MZF1: variants seen among roughly 807,000 people sequenced by gnomAD.
MZF1 encodes myeloid zinc finger 1, also known as zinc finger and SCAN domain-containing protein 6.
A neutral mutation model predicts 28.6 loss-of-function variants in MZF1; 24 were observed. The ratio of observed to expected loss-of-function variants is 0.84; its 90% CI spans 0.61 to 1.18. The LOEUF (loss-of-function observed/expected upper bound fraction) is 1.18, where lower values mean the gene tolerates loss of function less well. Among genes scored for constraint, MZF1 ranks in the 50% most tolerant of loss-of-function variants. The probability of loss-of-function intolerance (pLI) is 0.00; values close to 1 mark genes in which losing one functional copy is unlikely to be tolerated. For synonymous variants in MZF1, 516 were observed against 432.5 expected, an observed-to-expected ratio of 1.19 and a Z score of -2.40; for missense variants, 1,166 against 1,026.4, an observed-to-expected ratio of 1.14 and a Z score of -1.86.
Position 58,562,078 on chromosome 19 carries a change from G to C in MZF1, c.2199C>G (p.Ala733=). The C allele has an allele frequency of 1.3e-6, 2 of 1,558,782 alleles. No individual in the cohort carries two copies. The highest frequency in any genetic ancestry group is 1.7e-6 in the Non-Finnish European group (2 of 1,153,332). ...CAGTGCGTCCCGGCTGGAGCTACTC[G>C]GCGCTGTGGACGCGCTGGTGCTGAA... ...KLIQHQRVHS[A]E Residue 733 remains alanine, a synonymous_variant, in exon 6 of 6, where the codon GCC becomes GCG. Coordinates refer to ENST00000215057, the MANE Select transcript of MZF1 (RefSeq NM_198055.2).
At chr19:58,566,884 C>T (rs1427469141) in intron 5 of MZF1, among the ~76,000 whole-genome samples, 2 of 150,064 alleles carry the variant, frequency 1.3e-5, no homozygotes, top group Non-Finnish European at 2.9e-5. Flanking sequence ...AAAGAAAAGG[C>T]ACAGTTTTAT....
intron 5 of MZF1, among the ~76,000 whole-genome samples, chr19:58,564,902 G>GGTTTT (rs1872485914): frequency 1.7e-3 from 70 of 41,992 alleles, no homozygotes; most frequent in South Asian, 2.5e-3. Context: ...CCATGTGTGT[G>GGTTTT]TTTTTTTTTT....
chr19:58,569,154 G>T (rs1407862752), intron 5 of MZF1, 123 bp downstream of exon 5: 1 of 1,320,314 alleles, frequency 7.6e-7, no homozygotes, highest in Non-Finnish European at 1.0e-6. Flanking sequence ...GATGATCTAG[G>T]GAATGGGGGA....
Position 58,571,108 on chromosome 19 carries a change from G to T in MZF1, c.282C>A (p.Gly94=). Residue 94 remains glycine, a synonymous_variant, in exon 2 of 6, where the codon GGC becomes GGA. Transcript: ENST00000215057. ...LELLVLEQFL[G]ALPPEIQARV... Reference sequence around the variant, plus strand: ...GGGCCTGGATCTCAGGGGGCAGTGCGCCCAGGAACTGCTCCAGCACCAACA... The same window carrying T: ...GGGCCTGGATCTCAGGGGGCAGTGCTCCCAGGAACTGCTCCAGCACCAACA... The T allele has an allele frequency of 1.9e-6, 3 of 1,613,922 alleles. No homozygotes were observed. The highest frequency in any genetic ancestry group is 2.5e-6 in the Non-Finnish European group (3 of 1,180,000).
intron 1 of MZF1, 104 bp from the exon 2 acceptor site, chr19:58,571,533 A>C: frequency 9.2e-7 from 1 of 1,081,302 alleles, no homozygotes; most frequent in East Asian, 2.6e-5. Flanking sequence ...CCCATGTGGA[A>C]GGCAGATGAG....
chr19:58,566,049 G>A (rs1051293525), intron 5 of MZF1, among the ~76,000 whole-genome samples: 1 of 151,740 alleles, frequency 6.6e-6, no homozygotes, highest in African/African-American at 2.4e-5. Flanking sequence ...GCTGAGGCAG[G>A]AGAATGTCGT....
Position 58,562,230 on chromosome 19 carries a change from A to G in MZF1, c.2047T>C (p.Cys683Arg), listed in dbSNP as rs2053939137. Residue 683 changes from cysteine to arginine, a missense_variant, in exon 6 of 6, where the codon TGC (cysteine) becomes CGC (arginine). Transcript: ENST00000215057. ...CGGAAGGCCTTGCCACACTCAGGGCATGCGTAGGGCCGTTCACCCGTGTGG... is the reference window on the plus strand; with the variant it reads ...CGGAAGGCCTTGCCACACTCAGGGCGTGCGTAGGGCCGTTCACCCGTGTGG... ...RIHTGERPYA[C>R]PECGKAFRQR... The G allele has an allele frequency of 3.7e-6, 6 of 1,608,764 alleles. No individual in the cohort carries two copies. The East Asian group carries it at 8.9e-5, about 24-fold the overall frequency.
Position 58,562,394 on chromosome 19 carries a change from C to A in MZF1, c.1883G>T (p.Gly628Val). The change falls in exon 6 of 6, where the codon GGT (glycine) becomes GTT (valine). Residue 628 changes from glycine (G) to valine (V), a missense_variant. Physicochemically the swap from Gly to Val is moderately radical, Grantham distance 109 (BLOSUM62 -3). Transcript: ENST00000215057. Reference protein sequence around the residue: ...THTGEKPYHCGECGLGFTQVS... With the variant: ...THTGEKPYHCVECGLGFTQVS... The stretch of plus-strand genomic sequence containing the variant: ...CTGCGTGAAGCCCAGGCCGCACTCA[C>A]CGCAGTGGTAGGGCTTTTCGCCGGT... The A allele has an allele frequency of 6.2e-7, 1 of 1,608,292 alleles. No individual in the cohort carries two copies. Among genetic ancestry groups the A allele is most frequent in the Non-Finnish European group, 8.5e-7 (1 of 1,178,120 alleles).
rs767358626 is a variant in MZF1 at position 58,564,894 on chromosome 19, ATGTG to A, written c.773-1394_773-1391del. Among the ~76,000 whole-genome samples the A allele has an allele frequency of 2.0e-4, 20 of 102,190 alleles. 1 individual carries two copies. Among genetic ancestry groups the A allele is most frequent in the African/African-American group, 8.6e-4 (18 of 20,816 alleles). 67.0% of individuals were successfully genotyped at this position (102,190 alleles called of 152,430 possible). A position where few individuals can be genotyped will look rare whatever the true frequency, so the allele number is the denominator to read the frequency against. On this transcript the variant is annotated intron_variant, in intron 5 of 5. Transcript: ENST00000215057. The stretch of plus-strand genomic sequence containing the variant: ...GGAACAGGGTGGAGAATAAGCATCC[ATGTG>A]TGTGTTTTTTTTTTTTTTTTTTTTT...
intron 5 of MZF1, among the ~76,000 whole-genome samples, chr19:58,565,730 C>T (rs1170182020): frequency 6.7e-6 from 1 of 149,380 alleles, no homozygotes; most frequent in African/African-American, 2.5e-5. Flanking sequence ...GACGGGGTTT[C>T]GCCGTGTTAG....
chr19:58,572,510 C>A, intron 1 of MZF1: 2 of 1,269,570 alleles, frequency 1.6e-6, no homozygotes, highest in Middle Eastern at 2.2e-4. Context: ...GATCACTGTG[C>A]CTTCGAGAAC....
chr19:58,569,000 G>A, intron 5 of MZF1: 1 of 343,782 alleles, frequency 2.9e-6, no homozygotes, highest in Non-Finnish European at 5.4e-6. Flanking sequence ...GAGAATGTGG[G>A]TACGGGGAAT....
rs1234462262 is a variant in MZF1 at position 58,562,661 on chromosome 19, C to A, written c.1616G>T (p.Arg539Leu). 3.2e-6 allele frequency: 5 copies of A among 1,538,602 alleles called. No homozygotes were observed. Among genetic ancestry groups the A allele is most frequent in the African/African-American group, 1.4e-5 (1 of 71,200 alleles). ...GCCGCACTCGGCACAGGCGAAGGGC[C>A]GCTCGCCACTGTGCACGCGCCGGTG... ...LQHRRVHSGERPFACAECGQS... is the reference protein window; with the variant it reads ...LQHRRVHSGELPFACAECGQS... Residue 539 changes from arginine (R) to leucine (L), a missense_variant, in exon 6 of 6, where the codon CGG becomes CTG. By Grantham distance (102) the Arg-to-Leu change is moderately radical. Coordinates refer to ENST00000215057, the MANE Select transcript of MZF1 (RefSeq NM_198055.2).
intron 3 of MZF1, chr19:58,570,118 C>T (rs1410524581): frequency 8.5e-6 from 4 of 473,330 alleles, no homozygotes; most frequent in Admixed American, 3.8e-5. Context: ...CCATGGGGTT[C>T]GTGGGTACAG....
rs537231142 is a variant in MZF1 at position 58,571,217 on chromosome 19, G to C, written c.173C>G (p.Pro58Arg). The C allele has an allele frequency of 1.8e-5, 29 of 1,612,610 alleles. No individual in the cohort carries two copies. Among genetic ancestry groups the C allele is most frequent in the Non-Finnish European group, 2.0e-5 (24 of 1,179,362 alleles). The change falls in exon 2 of 6, where the codon CCC (proline) becomes CGC (arginine). Residue 58 changes from proline to arginine, a missense_variant. By Grantham distance (103) the Pro-to-Arg change is moderately radical. Transcript: ENST00000215057. Reference protein sequence around the residue: ...RCFRYEEATGPQEALAQLREL... With the variant: ...RCFRYEEATGRQEALAQLREL... Reference sequence around the variant, plus strand: ...TCGGAGCTGGGCCAGGGCCTCTTGGGGCCCTGTGGCCTCCTCATAGCGGAA... The same window carrying C: ...TCGGAGCTGGGCCAGGGCCTCTTGGCGCCCTGTGGCCTCCTCATAGCGGAA...
At chr19:58,565,754 G>C (rs1252267321) in intron 5 of MZF1, among the ~76,000 whole-genome samples, 1 of 144,656 alleles carries the variant, frequency 6.9e-6, no homozygotes, top group Non-Finnish European at 1.5e-5. Flanking sequence ...GGATGGTCTC[G>C]ATCTCCTGAC....
chr19:58,572,769 C>T (rs546251596), intron 1 of MZF1: 1 of 484,020 alleles, frequency 2.1e-6, no homozygotes, highest in African/African-American at 2.0e-5. Flanking sequence ...TACGGAGGGT[C>T]CCGAAATACA....
chr19:58,569,620 T>C, intron 3 of MZF1, 34 bp from the exon 4 acceptor site: 1 of 1,540,122 alleles, frequency 6.5e-7, no homozygotes, highest in Non-Finnish European at 8.8e-7. Flanking sequence ...GCAGCCTGAG[T>C]GAGTTTCCAC....
rs2229255 is a variant in MZF1, at chr19:58,562,955, C to G, written c.1322G>C (p.Arg441Pro). The change falls in exon 6 of 6, where the codon CGT becomes CCT. Residue 441 changes from arginine (R) to proline (P), a missense_variant. Transcript: ENST00000215057. Reference sequence around the variant, plus strand: ...GAAGCTCTGGCCGCACTCAGCGCAACGGAAAGGCTGTTCGCCCGTGTGCAC... The same window carrying G: ...GAAGCTCTGGCCGCACTCAGCGCAAGGGAAAGGCTGTTCGCCCGTGTGCAC... ...RRVHTGEQPF[R>P]CAECGQSFRQ... The G allele has an allele frequency of 1.7e-3, 2,782 of 1,599,806 alleles. 52 individuals are homozygous for G. The African/African-American group carries it at 0.032, about 19-fold the overall frequency.
Sources: gnomAD v4.1 joint callset for allele counts (sites outside exome capture counted in the v4.1 genomes callset) on GRCh38, gnomAD v4.1.1 for gene constraint, MANE v1.5 for transcripts, NCBI Gene and HGNC (gene_info 2026-07-23, HGNC 2026-07-21) for gene names.